ATP10B: variants seen among roughly 807,000 people sequenced by gnomAD.
ATP10B encodes the protein ATPase phospholipid transporting 10B (putative).
ATP10B carries 122 observed loss-of-function variants against 141.2 expected under a neutral mutation model. That is an observed-to-expected ratio of 0.86 (90% CI 0.75 to 1.00). The LOEUF (loss-of-function observed/expected upper bound fraction) is 1.00. Among genes scored for constraint, ATP10B ranks in the 50% least tolerant of loss-of-function variants. The probability of loss-of-function intolerance (pLI) is 0.00; values close to 1 mark genes in which losing one functional copy is unlikely to be tolerated. For missense variants in ATP10B, 1,876 were observed against 1,825.3 expected (o/e 1.03, Z -0.51); for synonymous variants, 685 against 692.0 (o/e 0.99, Z 0.16).
chr5:160,783,089 G>T (rs1273242380), intron 2 of ATP10B, among the ~76,000 whole-genome samples: 2 of 151,798 alleles, frequency 1.3e-5, no homozygotes, highest in African/African-American at 2.4e-5. Flanking sequence ...GTTCTTTAGT[G>T]GTGATTTGTG....
At chr5:160,745,933 A>C (rs1196285530) in intron 2 of ATP10B, among the ~76,000 whole-genome samples, 1 of 152,188 alleles carries the variant, frequency 6.6e-6, no homozygotes, top group Non-Finnish European at 1.5e-5. Flanking sequence ...CCATAATTTA[A>C]ATGAATTGGG....
the ATP10B span, among the ~76,000 whole-genome samples, chr5:160,928,685 T>G: frequency 6.6e-6 from 1 of 152,222 alleles, no homozygotes; most frequent in Non-Finnish European, 1.5e-5. Context: ...CCATTATGAT[T>G]TTTATTAGGC....
chr5:160,602,670 G>A lies in ATP10B; in HGVS notation c.3270C>T (p.Arg1090=), dbSNP rs1757160656. 2 of 1,614,076 alleles carry A rather than the reference G, an allele frequency of 1.2e-6. No homozygotes were observed. Among genetic ancestry groups the A allele is most frequent in the Non-Finnish European group, 1.7e-6 (2 of 1,179,932 alleles). ...GCAGCAACTTCTTGAGATGCTTAAA[G>A]CGGGTGATGGCAAAGTCGCTGGACA... is the stretch of plus-strand genomic sequence containing the variant. The part of the protein sequence containing the change: ...AVMSSDFAIT[R]FKHLKKLLLV... The change falls in exon 21 of 26, where the codon CGC becomes CGT. Residue 1090 remains arginine (R), a synonymous_variant. Coordinates refer to ENST00000327245, the MANE Select transcript of ATP10B (RefSeq NM_025153.3).
Position 160,658,297 on chromosome 5 carries a change from A to T in ATP10B, c.676-9041T>A, listed in dbSNP as rs138431896. On this transcript the variant is annotated intron_variant, in intron 7 of 25. Coordinates refer to ENST00000327245, the MANE Select transcript of ATP10B (RefSeq NM_025153.3). Reference sequence around the variant, plus strand: ...AGAGGAAGGAGTGATTACCTGTGGGACACCGGTCAGAGTGTTGCCTAGGCA... The same window carrying T: ...AGAGGAAGGAGTGATTACCTGTGGGTCACCGGTCAGAGTGTTGCCTAGGCA... Among the ~76,000 whole-genome samples the T allele has an allele frequency of 2.3e-3, 351 of 152,294 alleles. 3 individuals carry two copies. Among genetic ancestry groups the T allele is most frequent in the African/African-American group, 8.0e-3 (334 of 41,546 alleles).
At chr5:160,885,329 G>T in the ATP10B span, among the ~76,000 whole-genome samples, 1 of 152,340 alleles carries the variant, frequency 6.6e-6, no homozygotes, top group South Asian at 2.1e-4. Flanking sequence ...GCATGGCCCA[G>T]ATGGGGAATG....
At chr5:160,649,051 C>A (rs1760509856) in intron 8 of ATP10B, 120 bp downstream of exon 8, 1 of 620,038 alleles carries the variant, frequency 1.6e-6, no homozygotes. Context: ...CTCTTTATCA[C>A]ACACACACAA....
chr5:160,854,212 G>T (rs1438090804), upstream of ATP10B, among the ~76,000 whole-genome samples: 1 of 151,966 alleles, frequency 6.6e-6, no homozygotes, highest in Non-Finnish European at 1.5e-5. Context: ...TAAAGTTCTG[G>T]GATACACATG....
At chr5:160,683,566 A>C (rs2127741836) in intron 6 of ATP10B, among the ~76,000 whole-genome samples, 1 of 152,342 alleles carries the variant, frequency 6.6e-6, no homozygotes, top group East Asian at 1.9e-4. Flanking sequence ...AAATGGCTGG[A>C]GTACATACCT....
At chr5:160,848,046 A>G (rs1776231082) in intron 1 of ATP10B, among the ~76,000 whole-genome samples, 1 of 152,226 alleles carries the variant, frequency 6.6e-6, no homozygotes, top group African/African-American at 2.4e-5. Flanking sequence ...ATAACTATTT[A>G]TGCCTAAGTC....
At chr5:160,783,582 C>T (rs1581524818) in intron 2 of ATP10B, among the ~76,000 whole-genome samples, 1 of 132,598 alleles carries the variant, frequency 7.5e-6, no homozygotes, top group African/African-American at 2.7e-5. Context: ...CACACACACA[C>T]ACACACACAC....
intron 5 of ATP10B, 141 bp downstream of exon 5, chr5:160,687,659 G>A: frequency 1.0e-6 from 1 of 992,070 alleles, no homozygotes; most frequent in Non-Finnish European, 1.5e-6. Flanking sequence ...CAGCTATTTG[G>A]GAGGCTGAGG....
chr5:160,671,641 A>C (rs980098366), intron 6 of ATP10B, among the ~76,000 whole-genome samples: 2 of 152,192 alleles, frequency 1.3e-5, no homozygotes, highest in African/African-American at 4.8e-5. Context: ...TTATCTTCCT[A>C]TCCAATTTAT....
chr5:160,640,425 T>C (rs1759752806), intron 10 of ATP10B, 36 bp downstream of exon 10: 2 of 1,597,226 alleles, frequency 1.3e-6, no homozygotes, highest in Non-Finnish European at 1.7e-6. Context: ...AATAAATCGA[T>C]TACTGTGTCC....
Position 160,620,607 on chromosome 5 carries a change from G to A in ATP10B, c.2156C>T (p.Ala719Val). 9.3e-6 allele frequency: 15 copies of A among 1,613,846 alleles called. No individual in the cohort carries two copies. Among genetic ancestry groups the A allele is most frequent in the Non-Finnish European group, 1.3e-5 (15 of 1,179,754 alleles). The change falls in exon 15 of 26, where the codon GCT becomes GTT. Residue 719 changes from alanine to valine, a missense_variant. Coordinates refer to ENST00000327245, the MANE Select transcript of ATP10B (RefSeq NM_025153.3). ...CAGGGCGGCCTCATCAGGGCTCTCA[G>A]CCTCGTAACAGAACTCAGGCCTGGC... ...DLARPEFCYE[A>V]ESPDEAALVH...
At chr5:160,910,500 A>G in the ATP10B span, among the ~76,000 whole-genome samples, 13 of 152,332 alleles carry the variant, frequency 8.5e-5, no homozygotes, top group African/African-American at 3.1e-4. Context: ...AATGTCAAAC[A>G]GCCAACTGAA....
chr5:160,640,691 A>ATAAAAGGG, intron 9 of ATP10B, 99 bp from the exon 10 acceptor site: 3 of 1,456,766 alleles, frequency 2.1e-6, no homozygotes, highest in Non-Finnish European at 2.8e-6. Flanking sequence ...GATAAAAGAG[A>ATAAAAGGG]GGCTTCACTC....
chr5:160,726,321 G>A (rs948282730), intron 2 of ATP10B, among the ~76,000 whole-genome samples: 2 of 152,148 alleles, frequency 1.3e-5, no homozygotes, highest in Admixed American at 1.3e-4. Context: ...CAAGACTATT[G>A]TATAACCAAG....
At chr5:160,861,968 G>A in the ATP10B span, among the ~76,000 whole-genome samples, 1 of 151,694 alleles carries the variant, frequency 6.6e-6, no homozygotes, top group African/African-American at 2.4e-5. Context: ...TTCATATTTG[G>A]ACTAATAGAA....
intron 3 of ATP10B, among the ~76,000 whole-genome samples, chr5:160,690,591 A>G (rs1019422839): frequency 1.3e-5 from 2 of 152,242 alleles, no homozygotes; most frequent in Non-Finnish European, 2.9e-5. Context: ...TGTGGCCAAC[A>G]AACATATGAA....
Sources: allele counts gnomAD v4.1 joint callset (sites outside exome capture counted in the v4.1 genomes callset), GRCh38; gene constraint gnomAD v4.1.1; transcripts MANE v1.5; gene names NCBI Gene and HGNC (gene_info 2026-07-23, HGNC 2026-07-21).